Variants in TTC33 observed in about 807,000 individuals in gnomAD.
The protein encoded by TTC33 is tetratricopeptide repeat protein 33.
TTC33 carries 24 observed loss-of-function variants against 29.4 expected under a neutral mutation model. The ratio of observed to expected loss-of-function variants is 0.82; its 90% CI spans 0.59 to 1.15. TTC33 has a LOEUF of 1.15. Ranked by LOEUF, TTC33 falls within the 50% of genes most tolerant of loss-of-function variation. The pLI, the probability that TTC33 is intolerant of heterozygous loss-of-function variation, is 0.00. For synonymous variants in TTC33, 107 were observed against 100.3 expected (o/e 1.07, Z -0.40); for missense variants, 286 against 310.4 (o/e 0.92, Z 0.59).
chr5:40,731,295 T>C (rs1742421634), intron 2 of TTC33, among the ~76,000 whole-genome samples: 1 of 152,162 alleles, frequency 6.6e-6, no homozygotes, highest in South Asian at 2.1e-4. Context: ...ATACCTGTGC[T>C]CCACTCAGCA....
chr5:40,746,773 T>TA (rs534963724), intron 2 of TTC33, 25 bp downstream of exon 2: 78,133 of 1,085,532 alleles, frequency 0.072, no homozygotes, highest in Non-Finnish European at 0.079. Flanking sequence ...CTCTTCTCCA[T>TA]AAAAAAAAAA....
intron 1 of TTC33, among the ~76,000 whole-genome samples, chr5:40,747,997 T>C (rs1037771176): frequency 6.7e-6 from 1 of 149,714 alleles, no homozygotes; most frequent in African/African-American, 2.5e-5. Context: ...GGGTAATTTT[T>C]TGTATTTTTA....
At chr5:40,736,189 G>A (rs837115) in intron 2 of TTC33, among the ~76,000 whole-genome samples, 5,377 of 152,256 alleles carry the variant, frequency 0.035, 198 homozygotes, top group South Asian at 0.14. Flanking sequence ...CACAAATACA[G>A]TAAGGTTGGA....
chr5:40,722,098 C>T (rs1742146526), intron 4 of TTC33, among the ~76,000 whole-genome samples: 1 of 152,172 alleles, frequency 6.6e-6, no homozygotes, highest in Non-Finnish European at 1.5e-5. Context: ...CCCAGCTACT[C>T]GGGAGGTGAG....
intron 2 of TTC33, among the ~76,000 whole-genome samples, chr5:40,739,646 C>A (rs992800489): frequency 2.6e-5 from 4 of 152,186 alleles, no homozygotes; most frequent in Non-Finnish European, 5.9e-5. Context: ...ATGATTATAG[C>A]TTTCCTGAGG....
Position 40,716,212 on chromosome 5 carries a change from T to A in TTC33, c.722A>T (p.Glu241Val). 6.2e-7 allele frequency: 1 copy of A among 1,614,190 alleles called. No individual in the cohort carries two copies. Among genetic ancestry groups the A allele is most frequent in the Non-Finnish European group, 8.5e-7 (1 of 1,180,030 alleles). ...ACCATCCTCCTTTTCAGTTACAGTC[T>A]CTATGGCCCCAGAAGCAGACACAAT... Reference protein sequence around the residue: ...MVIVSASGAIETVTEKEDGAT... With the variant: ...MVIVSASGAIVTVTEKEDGAT... Residue 241 changes from glutamate (E) to valine (V), a missense_variant, in exon 5 of 5, where the codon GAG (glutamate) becomes GTG (valine). Transcript: ENST00000337702.
intron 1 of TTC33, among the ~76,000 whole-genome samples, chr5:40,752,169 T>G (rs887345592): frequency 6.6e-6 from 1 of 152,226 alleles, no homozygotes; most frequent in Non-Finnish European, 1.5e-5. Context: ...ATTCACAGAA[T>G]TGAAGAGAGT....
At chr5:40,737,522 C>T (rs186167969) in intron 2 of TTC33, among the ~76,000 whole-genome samples, 14 of 151,978 alleles carry the variant, frequency 9.2e-5, no homozygotes, top group Admixed American at 6.5e-4. Flanking sequence ...ATATATGAAA[C>T]GAATATAGAA....
intron 1 of TTC33, among the ~76,000 whole-genome samples, chr5:40,754,725 G>A (rs912995302): frequency 9.9e-5 from 15 of 152,240 alleles, no homozygotes; most frequent in Admixed American, 3.9e-4. Flanking sequence ...CATCAGAGAA[G>A]AGACACTTGA....
intron 2 of TTC33, among the ~76,000 whole-genome samples, chr5:40,735,799 A>C (rs1360969842): frequency 2.6e-5 from 4 of 152,216 alleles, no homozygotes; most frequent in African/African-American, 4.8e-5. Context: ...GAATGATGAG[A>C]AGCACAATAA....
At chr5:40,722,539 G>T (rs1406023309) in intron 4 of TTC33, among the ~76,000 whole-genome samples, 2 of 151,016 alleles carry the variant, frequency 1.3e-5, no homozygotes, top group Non-Finnish European at 3.0e-5. Context: ...AATGTGAGGA[G>T]CGCCTCTGCC....
At chr5:40,720,244 T>C (rs1366182048) in intron 4 of TTC33, among the ~76,000 whole-genome samples, 1 of 152,156 alleles carries the variant, frequency 6.6e-6, no homozygotes, top group Non-Finnish European at 1.5e-5. Flanking sequence ...GAAGTAAGAG[T>C]CCAAAGTCAT....
chr5:40,713,147 A>G lies in TTC33; in HGVS notation c.*2998T>C, dbSNP rs928078584. 6.6e-6 allele frequency among the ~76,000 whole-genome samples: 1 copy of G among 152,174 alleles called. No homozygotes were observed. Among genetic ancestry groups the G allele is most frequent in the South Asian group, 2.1e-4 (1 of 4,830 alleles). On this transcript the variant is annotated 3_prime_UTR_variant, in exon 5 of 5. Transcript: ENST00000337702. ...ATCCATTGATTTGAAGATAATTATT[A>G]TGGAACTATGGTTCTTATGTCAACT...
At chr5:40,741,006 A>G (rs1289318138) in intron 2 of TTC33, among the ~76,000 whole-genome samples, 2 of 152,172 alleles carry the variant, frequency 1.3e-5, no homozygotes, top group African/African-American at 4.8e-5. Context: ...TAGTTGTATT[A>G]CCATTTTAAT....
At chr5:40,744,791 T>G (rs1742760938) in intron 2 of TTC33, among the ~76,000 whole-genome samples, 1 of 152,172 alleles carries the variant, frequency 6.6e-6, no homozygotes, top group South Asian at 2.1e-4. Flanking sequence ...GGACAATGCT[T>G]TAAGATTTTT....
At chr5:40,754,086 T>G (rs561382291) in intron 1 of TTC33, among the ~76,000 whole-genome samples, 5 of 152,286 alleles carry the variant, frequency 3.3e-5, no homozygotes, top group African/African-American at 1.2e-4. Context: ...TTATAAATGC[T>G]GGGGACAAGT....
chr5:40,728,575 A>T, intron 3 of TTC33, 99 bp from the exon 4 acceptor site: 3 of 1,177,302 alleles, frequency 2.5e-6, no homozygotes, highest in Non-Finnish European at 3.4e-6. Context: ...TTTTTAGTCC[A>T]GTAAAAATAG....
At chr5:40,725,934 C>T (rs1237139248) in intron 4 of TTC33, among the ~76,000 whole-genome samples, 2 of 151,834 alleles carry the variant, frequency 1.3e-5, no homozygotes, top group African/African-American at 4.8e-5. Context: ...TACAGGCGCC[C>T]GCCACCACGT....
chr5:40,747,856 G>A (rs1393698499), intron 1 of TTC33, among the ~76,000 whole-genome samples: 3 of 151,862 alleles, frequency 2.0e-5, no homozygotes, highest in Non-Finnish European at 2.9e-5. Context: ...ACAAAGTTTT[G>A]CTCTTGTTGC....
Sources: gnomAD v4.1 joint callset for allele counts (sites outside exome capture counted in the v4.1 genomes callset) on GRCh38, gnomAD v4.1.1 for gene constraint, MANE v1.5 for transcripts, NCBI Gene and HGNC (gene_info 2026-07-23, HGNC 2026-07-21) for gene names.